The following ZNF107 variants were observed in gnomAD, a reference collection of about 807,000 sequenced individuals.
ZNF107 encodes the protein C2H2 type zinc-finger protein.
In ZNF107, 19 loss-of-function variants were observed where a neutral mutation model predicts 12.3. The observed-to-expected ratio is 1.55, with a 90% confidence interval of 1.08 to 2.27. The LOEUF (loss-of-function observed/expected upper bound fraction) is 2.27. Ranked by LOEUF, ZNF107 falls within the 30% of genes most tolerant of loss-of-function variation. The probability of loss-of-function intolerance (pLI) is 0.00; values close to 1 mark genes in which losing one functional copy is unlikely to be tolerated. For missense variants in ZNF107, 958 were observed against 979.9 expected (o/e 0.98, Z 0.30); for synonymous variants, 317 against 330.5 (o/e 0.96, Z 0.44).
intron 1 of ZNF107, chr7:64,687,343 A>T: frequency 1.0e-6 from 1 of 985,376 alleles, no homozygotes; most frequent in Non-Finnish European, 1.2e-6. Context: ...ACCCATTCCC[A>T]TTATTGTGAA....
chr7:64,703,531 G>A (rs983178918), intron 3 of ZNF107, among the ~76,000 whole-genome samples: 3 of 152,158 alleles, frequency 2.0e-5, no homozygotes, highest in Non-Finnish European at 2.9e-5. Flanking sequence ...TCAGGTTCAA[G>A]CAATTCTCCT....
chr7:64,681,718 A>G (rs1789683551), intron 1 of ZNF107, among the ~76,000 whole-genome samples: 1 of 152,080 alleles, frequency 6.6e-6, no homozygotes, highest in Non-Finnish European at 1.5e-5. Flanking sequence ...TTTTTACAAC[A>G]TGGCCTCTTA....
At position 64,706,396 on chromosome 7, in the gene ZNF107, T is replaced by G. The variant is rs1291885130; in HGVS notation, c.299T>G (p.Leu100Arg). 2.5e-6 allele frequency: 4 copies of G among 1,612,754 alleles called. No individual in the cohort carries two copies. In the African/African-American group the frequency reaches 5.3e-5, roughly 22 times the overall value. ...NIKDSFQKVTLRRYGKCEYEN... is the reference protein window; with the variant it reads ...NIKDSFQKVTRRRYGKCEYEN... The stretch of plus-strand genomic sequence containing the variant: ...AAAGATTCTTTCCAGAAAGTGACAC[T>G]GAGAAGATACGGAAAATGTGAATAT... The change falls in exon 4 of 4, where the codon CTG (leucine) becomes CGG (arginine). Residue 100 changes from leucine to arginine, a missense_variant. Leu to Arg is a moderately radical substitution (Grantham distance 102). Transcript: ENST00000620827.
intron 1 of ZNF107, among the ~76,000 whole-genome samples, chr7:64,684,107 G>A (rs1212607695): frequency 7.2e-5 from 11 of 152,062 alleles, no homozygotes; most frequent in African/African-American, 2.7e-4. Context: ...AAGAGCCAAC[G>A]GCCTCTTAAA....
chr7:64,686,806 C>G, intron 1 of ZNF107: 1 of 885,998 alleles, frequency 1.1e-6, no homozygotes, highest in Non-Finnish European at 1.4e-6. Flanking sequence ...AAAGACTGCT[C>G]TCCCTCACAC....
chr7:64,697,225 C>T (rs1026929610), intron 3 of ZNF107, among the ~76,000 whole-genome samples: 3 of 152,164 alleles, frequency 2.0e-5, no homozygotes, highest in African/African-American at 7.2e-5. Flanking sequence ...CATTGTTGGA[C>T]ATTTGGGTTG....
In ZNF107 at chr7:64,708,927, A is replaced by G; in HGVS notation, c.*271A>G. 1.8e-6 allele frequency: 1 copy of G among 546,736 alleles called. No individual in the cohort carries two copies. Among genetic ancestry groups the G allele is most frequent in the Non-Finnish European group, 3.3e-6 (1 of 301,510 alleles). 33.9% of individuals were successfully genotyped at this position (546,736 alleles called of 1,614,324 possible). A position where few individuals can be genotyped will look rare whatever the true frequency, so the allele number is the denominator to read the frequency against. ...CTTTAACTGATCCTCAACTTTTACTAAACATAAGGTAATTCATACTGGAGA... is the reference window on the plus strand; with the variant it reads ...CTTTAACTGATCCTCAACTTTTACTGAACATAAGGTAATTCATACTGGAGA... On this transcript the variant is annotated 3_prime_UTR_variant, in exon 4 of 4. Transcript: ENST00000620827.
chr7:64,672,413 G>GACCC (rs1789266852), intron 1 of ZNF107, among the ~76,000 whole-genome samples: 7 of 152,254 alleles, frequency 4.6e-5, no homozygotes, highest in African/African-American at 1.4e-4. Flanking sequence ...CTGAAGTGCA[G>GACCC]TGGTGTGATC....
At position 64,691,235 on chromosome 7, in the gene ZNF107, T is replaced by C. The variant is rs965372232; in HGVS notation, c.4-13T>C. 6.8e-6 allele frequency: 10 copies of C among 1,469,144 alleles called. No homozygotes were observed. The highest frequency in any genetic ancestry group is 9.0e-6 in the Non-Finnish European group (10 of 1,108,506). 91.0% of individuals were successfully genotyped at this position (1,469,144 alleles called of 1,614,324 possible). A position where few individuals can be genotyped will look rare whatever the true frequency, so the allele number is the denominator to read the frequency against. ...GGCTGCTTGGTAAATGTGTGTGTGTTTGTGTTTTTCAGGAACCACTGACAT... is the reference window on the plus strand; with the variant it reads ...GGCTGCTTGGTAAATGTGTGTGTGTCTGTGTTTTTCAGGAACCACTGACAT... On this transcript the variant is annotated splice_polypyrimidine_tract_variant and intron_variant, in intron 1 of 3. Coordinates refer to ENST00000620827, the MANE Select transcript of ZNF107 (RefSeq NM_001282359.2).
chr7:64,710,043 G>A lies in ZNF107; in HGVS notation c.*1387G>A, dbSNP rs189606810. 36 of 214,038 alleles carry A rather than the reference G, an allele frequency of 1.7e-4. No individual in the cohort carries two copies. The Admixed American group carries it at 2.1e-3, about 12-fold the overall frequency. The allele number at this position is 214,038 out of a possible 1,614,324, so 13.3% of individuals were successfully genotyped here. On this transcript the variant is annotated 3_prime_UTR_variant, in exon 4 of 4. Transcript: ENST00000620827. The stretch of plus-strand genomic sequence containing the variant: ...ATTGGGAGGCTGAAGCAGGAGAATT[G>A]CTCAAACCTGGGAGGCGAAGATTGC...
intron 3 of ZNF107, among the ~76,000 whole-genome samples, chr7:64,701,136 T>G (rs1424004648): frequency 6.6e-6 from 1 of 152,188 alleles, no homozygotes; most frequent in East Asian, 1.9e-4. Context: ...TATCAATCTT[T>G]GTCTCATGCT....
chr7:64,678,722 A>G (rs554467999), intron 1 of ZNF107, among the ~76,000 whole-genome samples: 1 of 152,322 alleles, frequency 6.6e-6, no homozygotes, highest in Non-Finnish European at 1.5e-5. Flanking sequence ...ATTTACTACC[A>G]AATTATTATA....
At chr7:64,668,037 A>G (rs1330648121) in intron 1 of ZNF107, among the ~76,000 whole-genome samples, 2 of 151,946 alleles carry the variant, frequency 1.3e-5, no homozygotes, top group East Asian at 1.9e-4. Context: ...TCACTGAGGC[A>G]TAGGGCAGTG....
intron 3 of ZNF107, among the ~76,000 whole-genome samples, chr7:64,703,296 ATAT>A (rs1247812212): frequency 6.6e-6 from 1 of 152,158 alleles, no homozygotes; most frequent in Admixed American, 6.6e-5. Context: ...GTTTGTATAA[ATAT>A]TATCCCTGTA....
In ZNF107 at chr7:64,710,092, C is replaced by T; in HGVS notation, c.*1436C>T. 1 of 172,722 alleles carries T rather than the reference C, an allele frequency of 5.8e-6. No individual in the cohort carries two copies. The highest frequency in any genetic ancestry group is 1.2e-5 in the Non-Finnish European group (1 of 81,810). The allele number at this position is 172,722 out of a possible 1,614,324, so 10.7% of individuals were successfully genotyped here. A position where few individuals can be genotyped will look rare whatever the true frequency, so the allele number is the denominator to read the frequency against. On this transcript the variant is annotated 3_prime_UTR_variant, in exon 4 of 4. Coordinates refer to ENST00000620827, the MANE Select transcript of ZNF107 (RefSeq NM_001282359.2). ...GCAGTGAGCTGAAATCACACCACTA[C>T]ACTCCAGCCAAAGCAACAAGAGCAA... is the stretch of plus-strand genomic sequence containing the variant.
At chr7:64,686,430 C>G (rs1270610544) in intron 1 of ZNF107, 1 of 811,722 alleles carries the variant, frequency 1.2e-6, no homozygotes, top group East Asian at 1.3e-4. Context: ...CTAACTGCCC[C>G]TCAATGTCAC....
At chr7:64,686,708 G>A (rs1303810404) in intron 1 of ZNF107, 2 of 933,528 alleles carry the variant, frequency 2.1e-6, no homozygotes, top group Middle Eastern at 5.4e-4. Context: ...GAAGAACAAC[G>A]GGTTTCTGTT....
chr7:64,685,650 C>T (rs375349021), intron 1 of ZNF107, among the ~76,000 whole-genome samples: 9 of 152,136 alleles, frequency 5.9e-5, no homozygotes, highest in African/African-American at 1.2e-4. Context: ...TCACTGGGGC[C>T]GCCTTGGCAA....
At position 64,708,765 on chromosome 7, in the gene ZNF107, C is replaced by A; in HGVS notation, c.*109C>A. ...AAGTCTTCAACTTTTTCTGCACACA[C>A]GAGGTATTTTATACTGGTGAGAAAC... is the stretch of plus-strand genomic sequence containing the variant. On this transcript the variant is annotated 3_prime_UTR_variant, in exon 4 of 4. Transcript: ENST00000620827. The A allele has an allele frequency of 2.7e-6, 3 of 1,107,518 alleles. No homozygotes were observed. Among genetic ancestry groups the A allele is most frequent in the Non-Finnish European group, 3.8e-6 (3 of 785,964 alleles). 68.6% of individuals were successfully genotyped at this position (1,107,518 alleles called of 1,614,324 possible).
Sources: allele counts gnomAD v4.1 joint callset (sites outside exome capture counted in the v4.1 genomes callset), GRCh38; gene constraint gnomAD v4.1.1; transcripts MANE v1.5; gene names NCBI Gene and HGNC (gene_info 2026-07-23, HGNC 2026-07-21).